Variants in USP31 observed in about 807,000 individuals in gnomAD.
The protein encoded by USP31 is ubiquitin specific peptidase 31.
Under a neutral mutation model 119.4 loss-of-function variants are expected in USP31, and 44 were observed. The observed-to-expected ratio is 0.37, with a 90% CI of 0.29 to 0.47. The LOEUF (loss-of-function observed/expected upper bound fraction) is 0.47. USP31 is among the 20% of genes least tolerant of loss of function. The probability of loss-of-function intolerance (pLI) is 0.99; values close to 1 mark genes in which losing one functional copy is unlikely to be tolerated. For missense variants in USP31, 1,643 were observed against 1,730.2 expected (o/e 0.95, Z 0.89); for synonymous variants, 749 against 705.6 (o/e 1.06, Z -0.97).
intron 1 of USP31, among the ~76,000 whole-genome samples, chr16:23,114,452 G>GAAAAAAAAAAA (rs917531470): frequency 3.3e-5 from 3 of 89,986 alleles, no homozygotes; most frequent in Admixed American, 1.0e-4. Flanking sequence ...GAAAAAATAG[G>GAAAAAAAAAAA]AAAAAAAAAA....
chr16:23,090,926 C>A, intron 6 of USP31, 122 bp from the exon 7 acceptor site: 1 of 900,332 alleles, frequency 1.1e-6, no homozygotes, highest in Non-Finnish European at 1.6e-6. Context: ...AATTAAACTG[C>A]AATCAAAAAA....
At chr16:23,115,283 A>C (rs1264501321) in intron 1 of USP31, among the ~76,000 whole-genome samples, 2 of 152,206 alleles carry the variant, frequency 1.3e-5, no homozygotes, top group Non-Finnish European at 2.9e-5. Context: ...GCAGTTTTGA[A>C]AAAGTTGATT....
chr16:23,093,818 T>C (rs1406751777), intron 6 of USP31, among the ~76,000 whole-genome samples: 1 of 152,204 alleles, frequency 6.6e-6, no homozygotes, highest in African/African-American at 2.4e-5. Flanking sequence ...CAAAATGTGG[T>C]ACATGCATAT....
chr16:23,140,341 T>C (rs1328439251), intron 1 of USP31, among the ~76,000 whole-genome samples: 5 of 152,142 alleles, frequency 3.3e-5, no homozygotes, highest in Non-Finnish European at 7.3e-5. Context: ...TGTCATGACT[T>C]GGAGTAGGGG....
intron 1 of USP31, among the ~76,000 whole-genome samples, chr16:23,143,901 G>C (rs989845433): frequency 6.6e-6 from 1 of 152,134 alleles, no homozygotes; most frequent in African/African-American, 2.4e-5. Context: ...GTGGGGTGAG[G>C]ACAGGCAAAA....
At chr16:23,116,297 C>G (rs1902482832) in intron 1 of USP31, among the ~76,000 whole-genome samples, 1 of 152,158 alleles carries the variant, frequency 6.6e-6, no homozygotes, top group Non-Finnish European at 1.5e-5. Context: ...ATGCAAACAG[C>G]TGGGTGGTAT....
chr16:23,078,212 T>C (rs1039685502), intron 13 of USP31, among the ~76,000 whole-genome samples: 3 of 146,590 alleles, frequency 2.0e-5, no homozygotes, highest in Non-Finnish European at 3.0e-5. Flanking sequence ...CTCGGGAGGC[T>C]GAGGCAGGAG....
chr16:23,085,724 T>A, intron 9 of USP31, 62 bp from the exon 10 acceptor site: 2 of 1,327,702 alleles, frequency 1.5e-6, no homozygotes, highest in Non-Finnish European at 2.1e-6. Context: ...ATGATTTTAC[T>A]TAATGTGATT....
chr16:23,132,158 G>A (rs1439915093), intron 1 of USP31, among the ~76,000 whole-genome samples: 3 of 152,142 alleles, frequency 2.0e-5, no homozygotes, highest in East Asian at 3.8e-4. Flanking sequence ...ATATCCCGAC[G>A]TGCTCCACTG....
chr16:23,097,521 A>G (rs1451794887), intron 6 of USP31, among the ~76,000 whole-genome samples: 1 of 152,208 alleles, frequency 6.6e-6, no homozygotes, highest in Non-Finnish European at 1.5e-5. Flanking sequence ...AGACACAACA[A>G]ATAAAAGAAT....
chr16:23,120,398 C>G (rs1393799190), intron 1 of USP31, among the ~76,000 whole-genome samples: 1 of 152,190 alleles, frequency 6.6e-6, no homozygotes, highest in East Asian at 1.9e-4. Context: ...TCAATGATAT[C>G]TCAGGCTGTT....
chr16:23,096,518 C>G (rs2141860459), intron 6 of USP31, among the ~76,000 whole-genome samples: 1 of 152,322 alleles, frequency 6.6e-6, no homozygotes, highest in Non-Finnish European at 1.5e-5. Flanking sequence ...GAACTCTCCA[C>G]CCCAAATCAA....
intron 6 of USP31, among the ~76,000 whole-genome samples, chr16:23,097,061 T>C (rs1901644851): frequency 6.6e-6 from 1 of 152,026 alleles, no homozygotes; most frequent in South Asian, 2.1e-4. Flanking sequence ...GGAGCTGGTT[T>C]TTTGAAAAGA....
chr16:23,134,192 G>A (rs1226738782), intron 1 of USP31, among the ~76,000 whole-genome samples: 1 of 151,968 alleles, frequency 6.6e-6, no homozygotes, highest in Non-Finnish European at 1.5e-5. Flanking sequence ...ACTTTAAGTA[G>A]CATGAGAAAG....
chr16:23,080,147 G>C lies in USP31; in HGVS notation c.1975C>G (p.Gln659Glu). 1 of 1,565,336 alleles carries C rather than the reference G, an allele frequency of 6.4e-7. No homozygotes were observed. The highest frequency in any genetic ancestry group is 2.3e-5 in the East Asian group (1 of 43,686). ...RQEGDRRMKL[Q>E]NMVKFPLTGL... ...GTCAAGGGGAATTTGACCATGTTCTGAAGTTTCATGCGCCTGTCTCCTTCC... is the reference window on the plus strand; with the variant it reads ...GTCAAGGGGAATTTGACCATGTTCTCAAGTTTCATGCGCCTGTCTCCTTCC... Residue 659 changes from glutamine to glutamate, a missense_variant, in exon 13 of 16, where the codon CAG becomes GAG. Coordinates refer to ENST00000219689, the MANE Select transcript of USP31 (RefSeq NM_020718.4).
At chr16:23,072,518 A>C (rs1596683155) in intron 14 of USP31, 1 of 573,756 alleles carries the variant, frequency 1.7e-6, no homozygotes, top group East Asian at 2.8e-5. Context: ...TCATACATTC[A>C]TTCTACAAAT....
chr16:23,130,887 GTAGT>G (rs1446136731), intron 1 of USP31, among the ~76,000 whole-genome samples: 3 of 152,184 alleles, frequency 2.0e-5, no homozygotes, highest in Non-Finnish European at 4.4e-5. Flanking sequence ...GTGCTATGGG[GTAGT>G]TAGTTCATTT....
Position 23,148,923 on chromosome 16 carries a change from C to A in USP31, c.348G>T (p.Pro116=), listed in dbSNP as rs1304826246. Residue 116 remains proline, a synonymous_variant, in exon 1 of 16, where the codon CCG becomes CCT. Coordinates refer to ENST00000219689, the MANE Select transcript of USP31 (RefSeq NM_020718.4). The part of the protein sequence containing the change: ...PCPPPPASPA[P]PACAAEPVPG... ...GCACCGGCTCGGCGGCGCAAGCGGGCGGCGCGGGAGAGGCGGGCGGCGGCG... is the reference window on the plus strand; with the variant it reads ...GCACCGGCTCGGCGGCGCAAGCGGGAGGCGCGGGAGAGGCGGGCGGCGGCG... 2 of 1,300,010 alleles carry A rather than the reference C, an allele frequency of 1.5e-6. No individual in the cohort carries two copies. Among genetic ancestry groups the A allele is most frequent in the South Asian group, 2.3e-5 (1 of 42,608 alleles). The allele number at this position is 1,300,010 out of a possible 1,614,324, so 80.5% of individuals were successfully genotyped here.
At chr16:23,082,356 G>T in intron 12 of USP31, 82 bp downstream of exon 12, 1 of 1,564,192 alleles carries the variant, frequency 6.4e-7, no homozygotes, top group South Asian at 1.2e-5. Context: ...GTATACCAAA[G>T]AACCCTCACA....
Sources: gnomAD v4.1 joint callset for allele counts (sites outside exome capture counted in the v4.1 genomes callset) on GRCh38, gnomAD v4.1.1 for gene constraint, MANE v1.5 for transcripts, NCBI Gene and HGNC (gene_info 2026-07-23, HGNC 2026-07-21) for gene names.